Variants in BMP7 observed in about 807,000 individuals in gnomAD.
BMP7 encodes bone morphogenetic protein 7.
BMP7 carries 12 observed loss-of-function variants against 41.2 expected under a neutral mutation model. That is an observed-to-expected ratio of 0.29 (90% confidence interval 0.19 to 0.47). The LOEUF is 0.47. Ranked by LOEUF, BMP7 falls within the 20% of genes least tolerant of loss-of-function variation. BMP7 has a pLI of 0.99. For synonymous variants in BMP7, 248 were observed against 250.0 expected (o/e 0.99, Z 0.07); for missense variants, 467 against 606.0 (o/e 0.77, Z 2.41).
chr20:57,189,175 T>C (rs553860194), intron 3 of BMP7, among the ~76,000 whole-genome samples: 3 of 152,326 alleles, frequency 2.0e-5, no homozygotes, highest in South Asian at 2.1e-4. Flanking sequence ...TTGGAAGAAA[T>C]TGGACTGAAA....
intron 1 of BMP7, among the ~76,000 whole-genome samples, chr20:57,264,572 C>A (rs1039708256): frequency 6.6e-6 from 1 of 152,176 alleles, no homozygotes. Context: ...TCGCCGGGGT[C>A]GTCGCGGCTC....
intron 2 of BMP7, 56 bp from the exon 3 acceptor site, chr20:57,202,679 A>C: frequency 9.6e-7 from 1 of 1,045,630 alleles, no homozygotes; most frequent in Non-Finnish European, 1.4e-6. Context: ...CAGCTCCACT[A>C]CCCCAACAGA....
intron 2 of BMP7, among the ~76,000 whole-genome samples, chr20:57,209,395 T>C (rs1045134631): frequency 6.6e-6 from 1 of 150,918 alleles, no homozygotes; most frequent in Non-Finnish European, 1.5e-5. Context: ...CAGTGAGCTG[T>C]GATCACGCTA....
chr20:57,198,370 C>T (rs1049718152), intron 3 of BMP7, among the ~76,000 whole-genome samples: 1 of 152,108 alleles, frequency 6.6e-6, no homozygotes, highest in Non-Finnish European at 1.5e-5. Flanking sequence ...AGCCTGGGGG[C>T]TGGAACAAGT....
At chr20:57,185,460 T>C (rs1453397506) in intron 3 of BMP7, among the ~76,000 whole-genome samples, 1 of 152,224 alleles carries the variant, frequency 6.6e-6, no homozygotes, top group Admixed American at 6.5e-5. Context: ...GGCATGCTCT[T>C]GGCCCAAGCC....
Position 57,259,887 on chromosome 20 carries a change from A to G in BMP7, c.418+5818T>C, listed in dbSNP as rs1475809865. ...TTTGCCGGGGAAGCTTAAATGAACT[A>G]TCTGTTCCATATTAAGAAATACCAA... On this transcript the variant is annotated intron_variant, in intron 1 of 6. Coordinates refer to ENST00000395863, the MANE Select transcript of BMP7 (RefSeq NM_001719.3). This position sits in a 1 kb window ranked among gnomAD's most constrained non-coding sequence, Gnocchi z 4.7. 6.6e-6 allele frequency among the ~76,000 whole-genome samples: 1 copy of G among 152,188 alleles called. No homozygotes were observed. Among genetic ancestry groups the G allele is most frequent in the Non-Finnish European group, 1.5e-5 (1 of 68,042 alleles).
At chr20:57,241,919 G>C (rs541703444) in intron 1 of BMP7, among the ~76,000 whole-genome samples, 15 of 152,308 alleles carry the variant, frequency 9.8e-5, no homozygotes, top group Admixed American at 8.5e-4. Flanking sequence ...CTCTAGAGCT[G>C]AGGCCAGTTC....
At chr20:57,189,509 C>T (rs368472682) in intron 3 of BMP7, among the ~76,000 whole-genome samples, 12 of 152,250 alleles carry the variant, frequency 7.9e-5, no homozygotes, top group East Asian at 3.8e-4. Context: ...CCATCGCACA[C>T]GCGTGACGCA....
chr20:57,174,725 A>G lies in BMP7; in HGVS notation c.1035+206T>C, dbSNP rs6025422. ...TCCAAAGTGTTTGGGTTCCTGGTTCAAGTTCAAGTCTCAACCACATTTCTG... is the reference window on the plus strand; with the variant it reads ...TCCAAAGTGTTTGGGTTCCTGGTTCGAGTTCAAGTCTCAACCACATTTCTG... On this transcript the variant is annotated intron_variant, in intron 5 of 6. Coordinates refer to ENST00000395863, the MANE Select transcript of BMP7 (RefSeq NM_001719.3). This position sits in a 1 kb window ranked among gnomAD's most constrained non-coding sequence, Gnocchi z 4.3. 0.52 allele frequency among the ~76,000 whole-genome samples: 79,528 copies of G among 152,054 alleles called. 21,169 individuals carry two copies. Among genetic ancestry groups the G allele is most frequent in the South Asian group, 0.64 (3,107 of 4,820 alleles).
In BMP7 at chr20:57,170,830, C is replaced by G. The variant is rs926745426; in HGVS notation, c.*129G>C. On this transcript the variant is annotated 3_prime_UTR_variant, in exon 7 of 7. Coordinates refer to ENST00000395863, the MANE Select transcript of BMP7 (RefSeq NM_001719.3). ...CTGCTCATGTTTCCTAATACTCTCA[C>G]ACCTTTAAAGTTGGGGATAGGGAGG... 7 of 1,211,324 alleles carry G rather than the reference C, an allele frequency of 5.8e-6. No individual in the cohort carries two copies. The highest frequency in any genetic ancestry group is 8.2e-6 in the Non-Finnish European group (7 of 850,684). The allele number at this position is 1,211,324 out of a possible 1,614,324, so 75.0% of individuals were successfully genotyped here.
chr20:57,237,652 G>A (rs1347869246), intron 1 of BMP7, among the ~76,000 whole-genome samples: 1 of 152,236 alleles, frequency 6.6e-6, no homozygotes, highest in Non-Finnish European at 1.5e-5. Context: ...AATAACATGA[G>A]CAGCCTGGAG....
At chr20:57,173,043 T>C in intron 6 of BMP7, 157 bp downstream of exon 6, 1 of 749,384 alleles carries the variant, frequency 1.3e-6, no homozygotes. Context: ...AAAGTACAAT[T>C]TTTGATTTTT....
chr20:57,217,243 C>T (rs546547429), intron 2 of BMP7, among the ~76,000 whole-genome samples: 14 of 152,276 alleles, frequency 9.2e-5, no homozygotes, highest in Admixed American at 7.2e-4. Flanking sequence ...AGGCTGAGCC[C>T]GCTCCCTAAG....
intron 1 of BMP7, among the ~76,000 whole-genome samples, chr20:57,231,982 C>T (rs2066031055): frequency 1.3e-5 from 2 of 152,216 alleles, no homozygotes; most frequent in Non-Finnish European, 2.9e-5. Context: ...TCTGATGGAA[C>T]CCCATGAGAC....
chr20:57,197,139 A>T (rs1303203262), intron 3 of BMP7, among the ~76,000 whole-genome samples: 1 of 151,854 alleles, frequency 6.6e-6, no homozygotes, highest in Non-Finnish European at 1.5e-5. Context: ...TGACCTCGTG[A>T]TCTGCCCGCC....
chr20:57,186,428 G>A (rs548099794), intron 3 of BMP7, among the ~76,000 whole-genome samples: 2 of 152,306 alleles, frequency 1.3e-5, no homozygotes, highest in African/African-American at 4.8e-5. Context: ...TGAGGTCATT[G>A]GCAAATATAT....
chr20:57,205,708 C>CTGCCACCTCCTTCACTCACCTGGGGAT (rs1984714170), intron 2 of BMP7, among the ~76,000 whole-genome samples: 1 of 152,134 alleles, frequency 6.6e-6, no homozygotes, highest in Admixed American at 6.5e-5. Flanking sequence ...GAATGGTAAC[C>CTGCCACCTCCTTCACTCACCTGGGGAT]AAAGGAACAG....
At chr20:57,197,879 G>C (rs75517361) in intron 3 of BMP7, among the ~76,000 whole-genome samples, 12,200 of 152,238 alleles carry the variant, frequency 0.08, 830 homozygotes, top group African/African-American at 0.18. Context: ...TATGACAGGG[G>C]CAGGGGTGCC....
intron 3 of BMP7, among the ~76,000 whole-genome samples, chr20:57,193,995 G>A (rs1185074085): frequency 6.6e-6 from 1 of 152,138 alleles, no homozygotes; most frequent in African/African-American, 2.4e-5. Context: ...CAGCCCCCTC[G>A]TGCCTGACCT....
Sources: allele counts gnomAD v4.1 joint callset (sites outside exome capture counted in the v4.1 genomes callset), GRCh38; gene constraint gnomAD v4.1.1; non-coding constraint Gnocchi (gnomAD v3.1); transcripts MANE v1.5; gene names NCBI Gene and HGNC (gene_info 2026-07-23, HGNC 2026-07-21).